The following TRAPPC9 variants were observed in gnomAD, a reference collection of about 807,000 sequenced individuals.
TRAPPC9 encodes the protein IKK2 binding protein.
TRAPPC9 carries 83 observed loss-of-function variants against 124.0 expected under a neutral mutation model. That is an observed-to-expected ratio of 0.67 (90% CI 0.56 to 0.80). The LOEUF (loss-of-function observed/expected upper bound fraction) is 0.80, where lower values mean the gene tolerates loss of function less well. Ranked by LOEUF, TRAPPC9 falls within the 30% of genes least tolerant of loss-of-function variation. The pLI, the probability that TRAPPC9 is intolerant of heterozygous loss-of-function variation, is 0.00. For synonymous variants in TRAPPC9, 638 were observed against 617.5 expected, an observed-to-expected ratio of 1.03 and a Z score of -0.49; for missense variants, 1,302 against 1,508.3, an observed-to-expected ratio of 0.86 and a Z score of 2.27.
chr8:140,032,472 C>A (rs1468229585), intron 17 of TRAPPC9, among the ~76,000 whole-genome samples: 1 of 152,034 alleles, frequency 6.6e-6, no homozygotes, highest in African/African-American at 2.4e-5. Flanking sequence ...ATGCTGTCCA[C>A]CTTTGTATGC....
In TRAPPC9 at chr8:139,730,791, C is replaced by T. The variant is rs951660340; in HGVS notation, c.*270G>A. ...TCCTGGGACCTGGGCTGGATGGGCA[C>T]CCGCTTTGGGATTTCCTCTGCTTCA... On this transcript the variant is annotated 3_prime_UTR_variant, in exon 23 of 23. Transcript: ENST00000438773. 5.9e-6 allele frequency: 3 copies of T among 504,752 alleles called. No individual in the cohort carries two copies. Among genetic ancestry groups the T allele is most frequent in the Non-Finnish European group, 1.1e-5 (3 of 280,120 alleles). The allele number at this position is 504,752 out of a possible 1,614,324, so 31.3% of individuals were successfully genotyped here.
At chr8:140,450,108 C>A (rs2071401368) in intron 2 of TRAPPC9, among the ~76,000 whole-genome samples, 1 of 152,156 alleles carries the variant, frequency 6.6e-6, no homozygotes, top group Admixed American at 6.5e-5. Flanking sequence ...CACCTGTAAT[C>A]CCAGCACTTT....
In TRAPPC9 at chr8:139,869,834, T is replaced by C. The variant is rs115572857; in HGVS notation, c.3055+16045A>G. On this transcript the variant is annotated intron_variant, in intron 21 of 22. Transcript: ENST00000438773. ...TTTAACTCTCGGGACAGAAGTGAAA[T>C]ATAAATTAATTGCAGAATGCCTAAA... is the stretch of plus-strand genomic sequence containing the variant. Among the ~76,000 whole-genome samples, 554 of 152,260 alleles carry C rather than the reference T, an allele frequency of 3.6e-3. 6 individuals carry two copies. The highest frequency in any genetic ancestry group is 0.013 in the African/African-American group (540 of 41,548).
Position 140,005,150 on chromosome 8 carries a change from G to A in TRAPPC9, c.2700-16314C>T, listed in dbSNP as rs532061320. ...CTGCTATGGAGCTTCCTGATCTCAC[G>A]GAGGACTATGAATGACTACCTATCT... is the stretch of plus-strand genomic sequence containing the variant. On this transcript the variant is annotated intron_variant, in intron 18 of 22. Coordinates refer to ENST00000438773, the MANE Select transcript of TRAPPC9 (RefSeq NM_001160372.4). Among the ~76,000 whole-genome samples the A allele has an allele frequency of 3.3e-5, 5 of 152,268 alleles. No homozygotes were observed. In the East Asian group the frequency reaches 7.7e-4, roughly 23 times the overall value.
intron 19 of TRAPPC9, among the ~76,000 whole-genome samples, chr8:139,913,112 A>G (rs183334343): frequency 1.4e-3 from 218 of 152,370 alleles, no homozygotes; most frequent in African/African-American, 5.0e-3. Context: ...CACTGGAACT[A>G]CAACGGTGTG....
intron 21 of TRAPPC9, among the ~76,000 whole-genome samples, chr8:139,802,117 C>G (rs1326859719): frequency 6.6e-6 from 1 of 152,236 alleles, no homozygotes; most frequent in Non-Finnish European, 1.5e-5. Context: ...CCTGTTGTCC[C>G]ACGCAACCCA....
intron 21 of TRAPPC9, among the ~76,000 whole-genome samples, chr8:139,747,451 GC>G (rs1189659762): frequency 1.4e-5 from 2 of 143,114 alleles, no homozygotes; most frequent in African/African-American, 2.6e-5. Flanking sequence ...AGGGGTCAGA[GC>G]AGGTGTGGGG....
intron 17 of TRAPPC9, among the ~76,000 whole-genome samples, chr8:140,073,612 A>G (rs1182007923): frequency 6.6e-6 from 1 of 152,236 alleles, no homozygotes. Context: ...GAGAAGGGTT[A>G]ATAGAATGTA....
chr8:139,759,545 C>T (rs982012410), intron 21 of TRAPPC9, among the ~76,000 whole-genome samples: 4 of 152,134 alleles, frequency 2.6e-5, no homozygotes, highest in East Asian at 1.9e-4. Context: ...AGGACAGACT[C>T]GGCTTCTTGA....
chr8:140,404,851 TG>T (rs1299273223), intron 6 of TRAPPC9, among the ~76,000 whole-genome samples: 3 of 151,914 alleles, frequency 2.0e-5, no homozygotes, highest in African/African-American at 4.8e-5. Flanking sequence ...TGTACGTGCC[TG>T]TGTGCGGGTG....
At chr8:139,873,291 A>G (rs1829120152) in intron 21 of TRAPPC9, among the ~76,000 whole-genome samples, 1 of 152,170 alleles carries the variant, frequency 6.6e-6, no homozygotes, top group Admixed American at 6.5e-5. Context: ...TAGAAAGAGG[A>G]TGCCAACACA....
chr8:140,308,444 C>A (rs1192838934), intron 10 of TRAPPC9, among the ~76,000 whole-genome samples: 1 of 151,766 alleles, frequency 6.6e-6, no homozygotes, highest in Non-Finnish European at 1.5e-5. Context: ...GTTCTTCTTC[C>A]CAGTTTTCAA....
chr8:140,441,520 A>T (rs757827084), intron 2 of TRAPPC9, among the ~76,000 whole-genome samples: 30 of 152,230 alleles, frequency 2.0e-4, no homozygotes, highest in Non-Finnish European at 1.8e-4. Context: ...GCTTTAAAGC[A>T]TCCTAAAGAA....
At chr8:140,349,468 A>C (rs557405409) in intron 9 of TRAPPC9, among the ~76,000 whole-genome samples, 4 of 151,218 alleles carry the variant, frequency 2.6e-5, no homozygotes, top group Admixed American at 6.6e-5. Flanking sequence ...AGGGGGGCCG[A>C]AGGGGGCGCG....
intron 19 of TRAPPC9, chr8:139,931,038 G>A (rs955216297): frequency 2.6e-5 from 4 of 152,244 alleles, no homozygotes; most frequent in African/African-American, 9.6e-5. Context: ...AAGCAACCCC[G>A]AGGCCCTGGC....
At chr8:139,794,963 G>A (rs1822945814) in intron 21 of TRAPPC9, among the ~76,000 whole-genome samples, 3 of 152,292 alleles carry the variant, frequency 2.0e-5, no homozygotes, top group Admixed American at 6.5e-5. Flanking sequence ...CCTAAACCTG[G>A]GGTGAGGAGA....
intron 19 of TRAPPC9, among the ~76,000 whole-genome samples, chr8:139,945,228 T>G (rs12114206): frequency 2.0e-5 from 3 of 152,158 alleles, no homozygotes; most frequent in African/African-American, 7.2e-5. Context: ...TGAAAACTTA[T>G]GCAGGTTTGG....
chr8:139,885,947 T>A lies in TRAPPC9; in HGVS notation c.2987A>T (p.Glu996Val). Reference protein sequence around the residue: ...WRIPSLKRSGEASVEGLLNQL... With the variant: ...WRIPSLKRSGVASVEGLLNQL... ...GTTCAGGAGTCCTTCCACACTCGCC[T>A]CGCCACTGCGCTTCAGGGAGGGGTG... Residue 996 changes from glutamate to valine, a missense_variant, in exon 21 of 23, where the codon GAG becomes GTG. Physicochemically the swap from Glu to Val is moderately radical, Grantham distance 121. This residue lies in a region of TRAPPC9 where 640 missense variants were observed against 679.3 expected (regional missense o/e 0.94). Coordinates refer to ENST00000438773, the MANE Select transcript of TRAPPC9 (RefSeq NM_001160372.4). 6.4e-7 allele frequency: 1 copy of A among 1,570,218 alleles called. No individual in the cohort carries two copies. The highest frequency in any genetic ancestry group is 1.2e-5 in the South Asian group (1 of 85,216).
chr8:140,145,830 CT>C (rs2061454169), intron 17 of TRAPPC9, among the ~76,000 whole-genome samples: 1 of 148,288 alleles, frequency 6.7e-6, no homozygotes, highest in Non-Finnish European at 1.5e-5. Flanking sequence ...GTTTACCTCA[CT>C]TTTTAACTCA....
Sources: gnomAD v4.1 joint callset for allele counts (sites outside exome capture counted in the v4.1 genomes callset) on GRCh38, gnomAD v4.1.1 for gene constraint, gnomAD v4.1.1 regional missense constraint, MANE v1.5 for transcripts, NCBI Gene and HGNC (gene_info 2026-07-23, HGNC 2026-07-21) for gene names.